The following UBE2G1 variants were observed in gnomAD, a reference collection of about 807,000 sequenced individuals.
UBE2G1 encodes the protein ubiquitin conjugating enzyme E2 G1.
In UBE2G1, 5 loss-of-function variants were observed where a neutral mutation model predicts 22.7. That is an observed-to-expected ratio of 0.22 (90% confidence interval 0.12 to 0.46). The LOEUF (loss-of-function observed/expected upper bound fraction) is 0.46. Among genes scored for constraint, UBE2G1 ranks in the 20% least tolerant of loss-of-function variants. The probability of loss-of-function intolerance (pLI) is 0.99; values close to 1 mark genes in which losing one functional copy is unlikely to be tolerated. For synonymous variants in UBE2G1, 74 were observed against 67.5 expected (o/e 1.10, Z -0.47); for missense variants, 88 against 203.9 (o/e 0.43, Z 3.46).
At chr17:4,340,436 C>T (rs1262605055) in intron 1 of UBE2G1, among the ~76,000 whole-genome samples, 1 of 152,196 alleles carries the variant, frequency 6.6e-6, no homozygotes, top group Non-Finnish European at 1.5e-5. Flanking sequence ...AACTTTACAA[C>T]TGGTCCTAAA....
chr17:4,323,569 T>C (rs1969468828), intron 1 of UBE2G1, among the ~76,000 whole-genome samples: 1 of 152,228 alleles, frequency 6.6e-6, no homozygotes, highest in African/African-American at 2.4e-5. Context: ...CTAAGGAGAC[T>C]GGGCTGAGAG....
chr17:4,327,968 C>A (rs1177083143), intron 1 of UBE2G1, among the ~76,000 whole-genome samples: 1 of 152,168 alleles, frequency 6.6e-6, no homozygotes, highest in Non-Finnish European at 1.5e-5. Context: ...CTGCAGGAAC[C>A]CTTTCTCCTT....
At chr17:4,300,946 A>AAAAG (rs796280810) in intron 2 of UBE2G1, among the ~76,000 whole-genome samples, 94 of 151,620 alleles carry the variant, frequency 6.2e-4, no homozygotes, top group African/African-American at 2.2e-3. Context: ...ACAAAAAAAA[A>AAAAG]AGAGAGAGAG....
chr17:4,351,263 T>G (rs1969842162), intron 1 of UBE2G1, among the ~76,000 whole-genome samples: 1 of 152,152 alleles, frequency 6.6e-6, no homozygotes. Flanking sequence ...ACAGTTCTTC[T>G]GTGTATCTGA....
chr17:4,308,087 C>T (rs1270744805), intron 1 of UBE2G1, among the ~76,000 whole-genome samples: 1 of 152,180 alleles, frequency 6.6e-6, no homozygotes, highest in Admixed American at 6.5e-5. Flanking sequence ...GGCGTGGTGG[C>T]TCACACCTGT....
chr17:4,366,003 G>A (rs944502095), intron 1 of UBE2G1, among the ~76,000 whole-genome samples: 7 of 152,024 alleles, frequency 4.6e-5, no homozygotes, highest in African/African-American at 1.7e-4. Context: ...CTACAGAACG[G>A]TGGGGGAGGG....
At chr17:4,299,468 T>C (rs1382320564) in intron 2 of UBE2G1, among the ~76,000 whole-genome samples, 7 of 152,244 alleles carry the variant, frequency 4.6e-5, no homozygotes, top group Non-Finnish European at 8.8e-5. Context: ...TGCACTTGAT[T>C]CTACTGGCAG....
intron 1 of UBE2G1, among the ~76,000 whole-genome samples, chr17:4,327,426 C>G (rs1969515346): frequency 1.3e-5 from 2 of 152,114 alleles, no homozygotes; most frequent in Admixed American, 1.3e-4. Flanking sequence ...GAGCCAAGAT[C>G]ACACCACTGC....
At chr17:4,365,388 G>A (rs1227560488) in intron 1 of UBE2G1, among the ~76,000 whole-genome samples, 16 of 152,120 alleles carry the variant, frequency 1.1e-4, no homozygotes, top group Non-Finnish European at 2.9e-5. Flanking sequence ...CAGAGTAGGA[G>A]CCAACCCCCT....
In UBE2G1 at chr17:4,354,808, G is replaced by A. The variant is rs117944410; in HGVS notation, c.46+11463C>T. Among the ~76,000 whole-genome samples the A allele has an allele frequency of 3.4e-4, 51 of 151,682 alleles. No individual in the cohort carries two copies. The East Asian group carries it at 8.9e-3, about 26-fold the overall frequency. On this transcript the variant is annotated intron_variant, in intron 1 of 5. Transcript: ENST00000396981. ...TTTAATTTGCTGAGCATGGTGGCGC[G>A]TGCCTGTAGTCCCAGCTACGGAGGC...
At chr17:4,281,862 T>C (rs1321800951) in intron 5 of UBE2G1, among the ~76,000 whole-genome samples, 1 of 152,132 alleles carries the variant, frequency 6.6e-6, no homozygotes, top group East Asian at 1.9e-4. Flanking sequence ...GTTTCTATCA[T>C]TTCAATATTT....
chr17:4,302,041 A>T (rs918881526), intron 2 of UBE2G1: 4 of 494,046 alleles, frequency 8.1e-6, no homozygotes, highest in African/African-American at 5.9e-5. Context: ...CAACAACAAC[A>T]AAAAAAGGGG....
chr17:4,289,137 A>G lies in UBE2G1; in HGVS notation c.426+93T>C, dbSNP rs1026379695. 3.5e-6 allele frequency: 4 copies of G among 1,128,008 alleles called. No homozygotes were observed. In the Admixed American group the frequency reaches 9.3e-5, roughly 26 times the overall value. The allele number at this position is 1,128,008 out of a possible 1,614,324, so 69.9% of individuals were successfully genotyped here. ...CACACACACACACACACACGCATGC[A>G]TACATTCATGCATACTTACATACAT... On this transcript the variant is annotated intron_variant, in intron 4 of 5. Transcript: ENST00000396981.
intron 1 of UBE2G1, among the ~76,000 whole-genome samples, chr17:4,332,802 A>C (rs1969594680): frequency 6.6e-6 from 1 of 152,112 alleles, no homozygotes; most frequent in Non-Finnish European, 1.5e-5. Context: ...CCTCTGCATG[A>C]TTCACTCATT....
chr17:4,364,861 C>G (rs752828659), intron 1 of UBE2G1, among the ~76,000 whole-genome samples: 31 of 148,906 alleles, frequency 2.1e-4, no homozygotes, highest in Middle Eastern at 3.4e-3. Context: ...GGATTACAGG[C>G]GTGAGCCAGC....
intron 5 of UBE2G1, among the ~76,000 whole-genome samples, chr17:4,274,592 C>T (rs1323823892): frequency 6.6e-6 from 1 of 152,140 alleles, no homozygotes; most frequent in Non-Finnish European, 1.5e-5. Context: ...CTACAAGATC[C>T]TGAGAGGTAG....
chr17:4,277,927 T>TG (rs1358377189), intron 5 of UBE2G1, among the ~76,000 whole-genome samples: 120 of 152,236 alleles, frequency 7.9e-4, no homozygotes, highest in African/African-American at 2.7e-3. Context: ...ATTTTTTTTT[T>TG]TTTGTTTGAG....
chr17:4,282,764 A>G (rs1188307629), intron 5 of UBE2G1, 34 bp downstream of exon 5: 1 of 1,449,542 alleles, frequency 6.9e-7, no homozygotes, highest in Non-Finnish European at 9.4e-7. Context: ...ATACTTACAA[A>G]AAAACAAAAG....
intron 1 of UBE2G1, among the ~76,000 whole-genome samples, chr17:4,355,557 G>A (rs536392538): frequency 4.1e-5 from 6 of 146,598 alleles, no homozygotes; most frequent in African/African-American, 1.5e-4. Context: ...CGGGAGAATC[G>A]CTTGAACCTG....
Sources: allele counts gnomAD v4.1 joint callset (sites outside exome capture counted in the v4.1 genomes callset), GRCh38; gene constraint gnomAD v4.1.1; transcripts MANE v1.5; gene names NCBI Gene and HGNC (gene_info 2026-07-23, HGNC 2026-07-21).